SORCS3: variants seen among roughly 807,000 people sequenced by gnomAD.
The protein encoded by SORCS3 is VPS10 domain-containing receptor SorCS3.
In SORCS3, 57 loss-of-function variants were observed where a neutral mutation model predicts 146.3. The ratio of observed to expected loss-of-function variants is 0.39; its 90% CI spans 0.31 to 0.49. The LOEUF (loss-of-function observed/expected upper bound fraction) is 0.49, where lower values mean the gene tolerates loss of function less well. Ranked by LOEUF, SORCS3 falls within the 20% of genes least tolerant of loss-of-function variation. The pLI is 0.92. For missense variants in SORCS3, 1,341 were observed against 1,575.5 expected (o/e 0.85, Z 2.52); for synonymous variants, 653 against 618.5 (o/e 1.06, Z -0.83).
intron 2 of SORCS3, among the ~76,000 whole-genome samples, chr10:104,854,561 C>G (rs1051189582): frequency 6.6e-6 from 1 of 152,160 alleles, no homozygotes; most frequent in African/African-American, 2.4e-5. Flanking sequence ...TACAGATACT[C>G]TAAGGTTTAG....
intron 4 of SORCS3, among the ~76,000 whole-genome samples, chr10:105,040,517 C>A (rs561753150): frequency 1.6e-4 from 24 of 152,212 alleles, no homozygotes; most frequent in African/African-American, 4.8e-4. Context: ...TAATTTCTAC[C>A]CCGGTTAATC....
chr10:105,197,061 C>T (rs2119606316), intron 14 of SORCS3, among the ~76,000 whole-genome samples: 1 of 152,242 alleles, frequency 6.6e-6, no homozygotes. Context: ...GCATGCTACT[C>T]ATCTTTGTGT....
At chr10:104,813,262 T>C (rs572795651) in intron 1 of SORCS3, among the ~76,000 whole-genome samples, 1 of 152,234 alleles carries the variant, frequency 6.6e-6, no homozygotes, top group Non-Finnish European at 1.5e-5. Context: ...CCGTTCATCA[T>C]CTGCTAAGGG....
At chr10:105,162,435 A>AT (rs147857507) in intron 11 of SORCS3, among the ~76,000 whole-genome samples, 6,840 of 152,120 alleles carry the variant, frequency 0.045, 521 homozygotes, top group African/African-American at 0.15. Context: ...AGCAAGGCTC[A>AT]TTTTTCAAAT....
chr10:105,016,234 C>G (rs1437868613), intron 4 of SORCS3, among the ~76,000 whole-genome samples: 1 of 146,306 alleles, frequency 6.8e-6, no homozygotes, highest in South Asian at 2.2e-4. Context: ...TCACTGCAAC[C>G]TCCGCCTTCC....
intron 1 of SORCS3, among the ~76,000 whole-genome samples, chr10:104,766,753 C>T (rs767165443): frequency 6.6e-5 from 10 of 152,158 alleles, no homozygotes; most frequent in Non-Finnish European, 1.0e-4. Flanking sequence ...CACACTGGGT[C>T]CAAGAAGATG....
At chr10:105,158,687 G>T (rs1056272424) in intron 10 of SORCS3, among the ~76,000 whole-genome samples, 8 of 151,488 alleles carry the variant, frequency 5.3e-5, no homozygotes, top group Admixed American at 1.3e-4. Flanking sequence ...GCAGGAGGGG[G>T]TTTATGGAAG....
At chr10:104,745,316 G>C (rs1406110906) in intron 1 of SORCS3, among the ~76,000 whole-genome samples, 1 of 152,260 alleles carries the variant, frequency 6.6e-6, no homozygotes, top group Non-Finnish European at 1.5e-5. Context: ...TGAGAAAGAT[G>C]AACAGAGGGG....
chr10:104,861,662 G>A (rs1433325082), intron 2 of SORCS3, among the ~76,000 whole-genome samples: 1 of 152,174 alleles, frequency 6.6e-6, no homozygotes, highest in Non-Finnish European at 1.5e-5. Context: ...TCTCCCTGAA[G>A]TGTCAAAGGG....
intron 1 of SORCS3, among the ~76,000 whole-genome samples, chr10:104,680,546 A>T (rs1215032605): frequency 6.6e-6 from 1 of 152,226 alleles, no homozygotes; most frequent in Non-Finnish European, 1.5e-5. Context: ...TCCCAACTGC[A>T]TAACCGTGGG....
intron 20 of SORCS3, among the ~76,000 whole-genome samples, chr10:105,225,123 T>C (rs2056726563): frequency 6.6e-6 from 1 of 152,108 alleles, no homozygotes; most frequent in Admixed American, 6.5e-5. Flanking sequence ...TCATGAATCA[T>C]GCCATTGGTG....
At chr10:105,232,983 A>G (rs1015942771) in intron 20 of SORCS3, among the ~76,000 whole-genome samples, 2 of 152,130 alleles carry the variant, frequency 1.3e-5, no homozygotes, top group African/African-American at 4.8e-5. Context: ...GCTTTAGAAG[A>G]ATGTGTATTC....
At chr10:105,127,989 T>C (rs1172438715) in intron 7 of SORCS3, among the ~76,000 whole-genome samples, 1 of 152,186 alleles carries the variant, frequency 6.6e-6, no homozygotes, top group African/African-American at 2.4e-5. Context: ...CTGCACCATG[T>C]AGTGGTCATT....
chr10:104,737,779 A>T (rs1171514032), intron 1 of SORCS3, among the ~76,000 whole-genome samples: 2 of 150,908 alleles, frequency 1.3e-5, no homozygotes. Context: ...CTTGAGTTTA[A>T]TTAGATCCCA....
At chr10:105,073,757 T>C (rs2055572258) in intron 5 of SORCS3, among the ~76,000 whole-genome samples, 1 of 151,786 alleles carries the variant, frequency 6.6e-6, no homozygotes, top group African/African-American at 2.4e-5. Flanking sequence ...TGGGTGGGGG[T>C]GTGGCATCAG....
At chr10:104,783,732 AGAG>A (rs1461197679) in intron 1 of SORCS3, among the ~76,000 whole-genome samples, 4 of 151,888 alleles carry the variant, frequency 2.6e-5, no homozygotes, top group African/African-American at 7.3e-5. Context: ...GTCTCAAAAA[AGAG>A]AGAGAGAGAG....
intron 7 of SORCS3, among the ~76,000 whole-genome samples, chr10:105,128,420 A>T (rs555453288): frequency 6.6e-6 from 1 of 152,286 alleles, no homozygotes; most frequent in Admixed American, 6.5e-5. Context: ...GCTCACGTGT[A>T]TCTCCAAGCC....
At position 104,853,742 on chromosome 10, in the gene SORCS3, A is replaced by C. The variant is rs757853037; in HGVS notation, c.695+10883A>C. 3.3e-5 allele frequency among the ~76,000 whole-genome samples: 5 copies of C among 152,374 alleles called. No homozygotes were observed. The South Asian group carries it at 6.2e-4, about 19-fold the overall frequency. ...CTGGGATGATCAGCAGCAGGGCGGCACATGGTTCTGGGAATACCAGACATC... is the reference window on the plus strand; with the variant it reads ...CTGGGATGATCAGCAGCAGGGCGGCCCATGGTTCTGGGAATACCAGACATC... On this transcript the variant is annotated intron_variant, in intron 2 of 26. Transcript: ENST00000369701.
intron 23 of SORCS3, 119 bp downstream of exon 23, chr10:105,253,025 T>A: frequency 8.4e-7 from 1 of 1,188,064 alleles, no homozygotes; most frequent in Non-Finnish European, 1.2e-6. Context: ...ACAGCCAAGG[T>A]TTTGAAGAGC....
Sources: allele counts gnomAD v4.1 joint callset (sites outside exome capture counted in the v4.1 genomes callset), GRCh38; gene constraint gnomAD v4.1.1; transcripts MANE v1.5; gene names NCBI Gene and HGNC (gene_info 2026-07-23, HGNC 2026-07-21).